GABRE: variants seen among roughly 807,000 people sequenced by gnomAD.
GABRE encodes the protein gamma-aminobutyric acid receptor subunit epsilon.
In GABRE, 20 loss-of-function variants were observed where a neutral mutation model predicts 31.0. The ratio of observed to expected loss-of-function variants is 0.64; its 90% CI spans 0.45 to 0.94. GABRE has a LOEUF of 0.94. Ranked by LOEUF, GABRE falls within the 40% of genes least tolerant of loss-of-function variation. The pLI is 0.00. For missense variants in GABRE, 420 were observed against 410.7 expected (o/e 1.02, Z -0.20); for synonymous variants, 155 against 150.6 (o/e 1.03, Z -0.21).
At position 151,955,411 on chromosome X, in the gene GABRE, A is replaced by T; in HGVS notation, c.1094T>A (p.Ile365Asn). The stretch of plus-strand genomic sequence containing the variant: ...AGCATGGGCTTTTGTCTGGTTGTAG[A>T]TCAGGAAGTTGAGCACAGCAAACTC... ...LLEFAVLNFL[I>N]YNQTKAHASP... Residue 365 changes from isoleucine (I) to asparagine (N), a missense_variant, in exon 8 of 9, where the codon ATC becomes AAC. Transcript: ENST00000370328. The T allele has an allele frequency of 8.2e-7, 1 of 1,212,164 alleles. No individual in the cohort carries two copies. Among genetic ancestry groups the T allele is most frequent in the Non-Finnish European group, 1.1e-6 (1 of 895,620 alleles).
chrX:151,955,280 G>T, intron 8 of GABRE, 88 bp downstream of exon 8: 1 of 1,207,386 alleles, frequency 8.3e-7, no homozygotes, highest in South Asian at 1.8e-5. Flanking sequence ...TCAGCAAGCT[G>T]ACCACCCATG....
chrX:151,970,899 G>A (rs1278404024), intron 1 of GABRE, among the ~76,000 whole-genome samples: 1 of 111,121 alleles, frequency 9.0e-6, no homozygotes, highest in Admixed American at 9.6e-5. Flanking sequence ...AATACTCGTT[G>A]CACTGGGGGC....
chrX:151,974,641 C>T lies in GABRE; in HGVS notation c.-16G>A, dbSNP rs2049438541. The T allele has an allele frequency of 4.3e-6, 5 of 1,153,019 alleles. No individual in the cohort carries two copies. The highest frequency in any genetic ancestry group is 5.8e-6 in the Non-Finnish European group (5 of 857,937). ...TGGACAACATTTCCGCGGAGACCGG[C>T]GCGACCACCTGCGCGGAGGTCGCGG... On this transcript the variant is annotated 5_prime_UTR_variant, in exon 1 of 9. Coordinates refer to ENST00000370328, the MANE Select transcript of GABRE (RefSeq NM_004961.4).
Position 151,970,285 on chromosome X carries a change from CTCAGTT to C in GABRE, c.168_173del (p.Glu60_Thr61del). 8.2e-7 allele frequency: 1 copy of C among 1,212,175 alleles called. No individual in the cohort carries two copies. The highest frequency in any genetic ancestry group is 1.7e-5 in the African/African-American group (1 of 57,916). ...TGCCAACTCTGCTCCCAGTCTCAGTCTCAGTTGACTTTGTTTCCTCAGAGAGGAGCT... is the reference window on the plus strand; with the variant it reads ...TGCCAACTCTGCTCCCAGTCTCAGTCGACTTTGTTTCCTCAGAGAGGAGCT... On this transcript the variant is annotated inframe_deletion, in exon 2 of 9. Coordinates refer to ENST00000370328, the MANE Select transcript of GABRE (RefSeq NM_004961.4).
chrX:151,965,669 G>A (rs1431028157), intron 3 of GABRE, among the ~76,000 whole-genome samples: 5 of 112,957 alleles, frequency 4.4e-5, no homozygotes, highest in African/African-American at 9.6e-5. Flanking sequence ...AGGTCTTTCC[G>A]CTGACTTCTT....
Position 151,955,820 on chromosome X carries a change from C to G in GABRE, c.825G>C (p.Arg275Ser). The G allele has an allele frequency of 8.3e-7, 1 of 1,211,935 alleles. No homozygotes were observed. The highest frequency in any genetic ancestry group is 1.8e-5 in the South Asian group (1 of 56,994). Residue 275 changes from arginine to serine, a missense_variant, in exon 7 of 9, where the codon AGG becomes AGC. Coordinates refer to ENST00000370328, the MANE Select transcript of GABRE (RefSeq NM_004961.4). ...MVMTIFFNVS[R>S]RFGYVAFQNY... is the part of the protein sequence containing the mutation. ...TTTGAAAGGCAACATAGCCAAACCG[C>G]CTGCTCACATTGAAGAAAATCGTCA...
rs1934408754 is a variant in GABRE, at chrX:151,962,405, T to G, written c.563+18A>C. 8.5e-7 allele frequency: 1 copy of G among 1,175,687 alleles called. No individual in the cohort carries two copies. The highest frequency in any genetic ancestry group is 1.8e-5 in the African/African-American group (1 of 56,298). ...GAGAGAGAATTCCAGGAAGTGAGACTCCAGAGGCTTGACATACCTAATTGT... is the reference window on the plus strand; with the variant it reads ...GAGAGAGAATTCCAGGAAGTGAGACGCCAGAGGCTTGACATACCTAATTGT... On this transcript the variant is annotated intron_variant, in intron 4 of 8. Coordinates refer to ENST00000370328, the MANE Select transcript of GABRE (RefSeq NM_004961.4).
chrX:151,955,489 G>T lies in GABRE; in HGVS notation c.1016C>A (p.Ala339Asp). 3.3e-6 allele frequency: 4 copies of T among 1,211,634 alleles called. No homozygotes were observed. Among genetic ancestry groups the T allele is most frequent in the Non-Finnish European group, 4.5e-6 (4 of 895,106 alleles). The change falls in exon 8 of 9, where the codon GCC becomes GAC. Residue 339 changes from alanine (A) to aspartate (D), a missense_variant. By Grantham distance (126) the Ala-to-Asp change is moderately radical (BLOSUM62 -2). Coordinates refer to ENST00000370328, the MANE Select transcript of GABRE (RefSeq NM_004961.4). ...GCAGATGGCGATATAGAAATCCAAG[G>T]CTGTGATATAGGAGACACGCGGGAA... ...KNFPRVSYIT[A>D]LDFYIAICFV...
chrX:151,961,428 G>T (rs1385880056), intron 4 of GABRE, 63 bp from the exon 5 acceptor site: 3 of 757,117 alleles, frequency 4.0e-6, no homozygotes, highest in East Asian at 6.4e-5. Flanking sequence ...ACCCAGCTTT[G>T]GTCTAGGGAC....
chrX:151,968,233 A>G (rs187596023), intron 3 of GABRE, among the ~76,000 whole-genome samples: 176 of 112,290 alleles, frequency 1.6e-3, no homozygotes, highest in African/African-American at 5.1e-3. Context: ...GAGCCTTCAG[A>G]TGAGACTCCA....
At chrX:151,972,301 C>G (rs1020322149) in intron 1 of GABRE, 79 of 752,062 alleles carry the variant, frequency 1.1e-4, no homozygotes, top group Non-Finnish European at 1.2e-4. Context: ...AATACAGTTT[C>G]TACTTTCAAA....
At chrX:151,959,707 C>T in intron 6 of GABRE, 132 bp downstream of exon 6, 1 of 718,626 alleles carries the variant, frequency 1.4e-6, no homozygotes, top group Non-Finnish European at 2.2e-6. Flanking sequence ...GTTGTAAGTG[C>T]TTAGCAATTA....
chrX:151,969,942 C>T, intron 2 of GABRE: 1 of 1,070,438 alleles, frequency 9.3e-7, no homozygotes, highest in East Asian at 3.3e-5. Flanking sequence ...TGAAGATCAA[C>T]AATCTAGTTT....
At chrX:151,970,478 A>G in intron 1 of GABRE, 76 bp from the exon 2 acceptor site, 1 of 1,098,726 alleles carries the variant, frequency 9.1e-7, no homozygotes, top group Non-Finnish European at 1.2e-6. Flanking sequence ...TTGGGACAGA[A>G]GCAAACCAAA....
chrX:151,968,946 A>C (rs1934603349), intron 3 of GABRE, among the ~76,000 whole-genome samples: 1 of 112,359 alleles, frequency 8.9e-6, no homozygotes, highest in Admixed American at 9.4e-5. Flanking sequence ...GGGAGATGCC[A>C]TGAATGAGAT....
chrX:151,954,869 C>T lies in GABRE; in HGVS notation c.1353G>A (p.Lys451=). ...CCATGCAGAAGTACTTCTTAAAACG[C>T]TTGCACCACTCACAGCAGGCCAGCT... is the stretch of plus-strand genomic sequence containing the variant. The part of the protein sequence containing the change: ...CSKLACCEWC[K]RFKKYFCMVP... Residue 451 remains lysine (K), a synonymous_variant, in exon 9 of 9, where the codon AAG becomes AAA. Coordinates refer to ENST00000370328, the MANE Select transcript of GABRE (RefSeq NM_004961.4). 1.7e-6 allele frequency: 2 copies of T among 1,211,813 alleles called. No homozygotes were observed. Among genetic ancestry groups the T allele is most frequent in the Non-Finnish European group, 2.2e-6 (2 of 895,539 alleles).
intron 6 of GABRE, chrX:151,957,292 A>C: frequency 8.1e-6 from 2 of 248,229 alleles, no homozygotes; most frequent in South Asian, 8.4e-5. Flanking sequence ...CCTTGGCAGC[A>C]CTGAAACTCA....
intron 3 of GABRE, among the ~76,000 whole-genome samples, chrX:151,967,468 T>G (rs1427853965): frequency 9.0e-6 from 1 of 111,643 alleles, no homozygotes; most frequent in Non-Finnish European, 1.9e-5. Flanking sequence ...TGAGCCACTT[T>G]CCCCACTCCT....
intron 3 of GABRE, among the ~76,000 whole-genome samples, chrX:151,969,136 T>C (rs1017535865): frequency 7.2e-5 from 8 of 111,683 alleles, no homozygotes; most frequent in South Asian, 3.9e-4. Context: ...AATACAACCA[T>C]GGAGGGCCTT....
Sources: gnomAD v4.1 joint callset for allele counts (sites outside exome capture counted in the v4.1 genomes callset) on GRCh38, gnomAD v4.1.1 for gene constraint, MANE v1.5 for transcripts, NCBI Gene and HGNC (gene_info 2026-07-23, HGNC 2026-07-21) for gene names.